The following PLCB1 variants were observed in gnomAD, a reference collection of about 807,000 sequenced individuals.
PLCB1 encodes 1-phosphatidylinositol 4,5-bisphosphate phosphodiesterase beta-1.
Under a neutral mutation model 161.8 loss-of-function variants are expected in PLCB1, and 46 were observed. That is an observed-to-expected ratio of 0.28 (90% CI 0.22 to 0.36). The LOEUF (loss-of-function observed/expected upper bound fraction) is 0.36, where lower values mean the gene tolerates loss of function less well. Among genes scored for constraint, PLCB1 ranks in the 10% least tolerant of loss-of-function variants. PLCB1 has a pLI of 1.00. For missense variants in PLCB1, 1,016 were observed against 1,472.5 expected (o/e 0.69, Z 5.07); for synonymous variants, 517 against 503.7 (o/e 1.03, Z -0.35).
At chr20:8,587,469 A>T (rs1238516650) in intron 3 of PLCB1, among the ~76,000 whole-genome samples, 2 of 152,222 alleles carry the variant, frequency 1.3e-5, no homozygotes, top group Non-Finnish European at 2.9e-5. Context: ...CTTATACAAA[A>T]GGGGACTTCA....
At chr20:8,666,129 G>A (rs1036571039) in intron 9 of PLCB1, among the ~76,000 whole-genome samples, 1 of 152,138 alleles carries the variant, frequency 6.6e-6, no homozygotes, top group Non-Finnish European at 1.5e-5. Context: ...AAGTTCTGAT[G>A]TGTGTTCTCT....
intron 31 of PLCB1, among the ~76,000 whole-genome samples, chr20:8,813,862 A>G (rs539431497): frequency 6.6e-6 from 1 of 152,278 alleles, no homozygotes; most frequent in South Asian, 2.1e-4. Context: ...ATAAAATCAA[A>G]TATTCCTAAT....
Position 8,342,966 on chromosome 20 carries a change from C to A in PLCB1, c.178-28416C>A, listed in dbSNP as rs1398188476. Reference sequence around the variant, plus strand: ...AATAAATCCCATCCACATGGATATCCAAGGAATAGTTTTATACAATTGGAT... The same window carrying A: ...AATAAATCCCATCCACATGGATATCAAAGGAATAGTTTTATACAATTGGAT... On this transcript the variant is annotated intron_variant, in intron 2 of 31. Transcript: ENST00000338037. Among the ~76,000 whole-genome samples the A allele has an allele frequency of 3.9e-5, 6 of 152,146 alleles. 1 individual carries two copies. The highest frequency in any genetic ancestry group is 3.9e-4 in the Admixed American group (6 of 15,268).
At chr20:8,228,260 T>C (rs1979810380) in intron 2 of PLCB1, among the ~76,000 whole-genome samples, 1 of 152,038 alleles carries the variant, frequency 6.6e-6, no homozygotes, top group South Asian at 2.1e-4. Context: ...GGATGTTTGG[T>C]TAAATGGCCA....
intron 2 of PLCB1, among the ~76,000 whole-genome samples, chr20:8,325,400 A>T (rs1489126016): frequency 6.6e-6 from 1 of 152,200 alleles, no homozygotes; most frequent in Non-Finnish European, 1.5e-5. Context: ...AAAATATTTT[A>T]ATAAGCAACA....
At chr20:8,455,586 A>G (rs183287465) in intron 3 of PLCB1, among the ~76,000 whole-genome samples, 2,963 of 151,156 alleles carry the variant, frequency 0.02, 90 homozygotes, top group African/African-American at 0.068. Context: ...GACTACCGGC[A>G]CCCGCCACCA....
intron 18 of PLCB1, among the ~76,000 whole-genome samples, chr20:8,730,093 C>A (rs1980155298): frequency 6.6e-6 from 1 of 151,672 alleles, no homozygotes; most frequent in South Asian, 2.1e-4. Context: ...TGATTTATAA[C>A]AGCACTTTTT....
intron 3 of PLCB1, among the ~76,000 whole-genome samples, chr20:8,464,864 CTCAGCCCTCA>C (rs1365944850): frequency 6.6e-6 from 1 of 152,146 alleles, no homozygotes; most frequent in Non-Finnish European, 1.5e-5. Context: ...ACCCACTCCC[CTCAGCCCTCA>C]GCTGGGGTTG....
intron 3 of PLCB1, among the ~76,000 whole-genome samples, chr20:8,458,681 T>A (rs927696306): frequency 6.6e-6 from 1 of 152,214 alleles, no homozygotes; most frequent in African/African-American, 2.4e-5. Flanking sequence ...CTGCTTACCT[T>A]ATTTACATTA....
At chr20:8,342,592 G>A (rs958540975) in intron 2 of PLCB1, among the ~76,000 whole-genome samples, 14 of 152,156 alleles carry the variant, frequency 9.2e-5, no homozygotes, top group Admixed American at 5.9e-4. Flanking sequence ...CAACTTGGTA[G>A]TGCTCCTGTG....
At position 8,821,546 on chromosome 20, in the gene PLCB1, TA is replaced by T. The variant is rs1410405390; in HGVS notation, c.3423+31286del. ...ATATATATATATATATATATATATA[TA>T]TATATATATATTTAAATGACACTTT... On this transcript the variant is annotated intron_variant, in intron 31 of 31. Coordinates refer to ENST00000338037, the MANE Select transcript of PLCB1 (RefSeq NM_015192.4). Among the ~76,000 whole-genome samples the T allele has an allele frequency of 1.2e-3, 121 of 102,956 alleles. 1 individual carries two copies. Among genetic ancestry groups the T allele is most frequent in the Non-Finnish European group, 1.9e-3 (103 of 52,850 alleles). The allele number at this position is 102,956 out of a possible 152,430, so 67.5% of individuals were successfully genotyped here.
intron 2 of PLCB1, among the ~76,000 whole-genome samples, chr20:8,345,911 T>C (rs1327204963): frequency 6.6e-6 from 1 of 152,196 alleles, no homozygotes; most frequent in Non-Finnish European, 1.5e-5. Context: ...CACATCTTCC[T>C]CAAGCATCTA....
intron 3 of PLCB1, among the ~76,000 whole-genome samples, chr20:8,578,028 G>A (rs895004097): frequency 6.6e-6 from 1 of 152,138 alleles, no homozygotes; most frequent in African/African-American, 2.4e-5. Context: ...TTTCATCTCT[G>A]TTCTAATAAA....
In PLCB1 at chr20:8,883,609, AT is replaced by A. The variant is rs1346772536; in HGVS notation, c.*1763del. 2.0e-5 allele frequency: 3 copies of A among 152,430 alleles called. No individual in the cohort carries two copies. Among genetic ancestry groups the A allele is most frequent in the Admixed American group, 1.3e-4 (2 of 15,276 alleles). 9.4% of individuals were successfully genotyped at this position (152,430 alleles called of 1,614,324 possible). A position where few individuals can be genotyped will look rare whatever the true frequency, so the allele number is the denominator to read the frequency against. ...TTAATATTTTTATGAAAATTATTTT[AT>A]TTAACTTTAAGCAATAACTAGAGAT... On this transcript the variant is annotated 3_prime_UTR_variant, in exon 32 of 32. Transcript: ENST00000338037.
Position 8,435,875 on chromosome 20 carries a change from G to A in PLCB1, c.246+64425G>A, listed in dbSNP as rs1319035476. ...CACCATTTGAAATATCACTATTGTG[G>A]TTTTGACTGACCCCAGATGAAAAGA... On this transcript the variant is annotated intron_variant, in intron 3 of 31. Transcript: ENST00000338037. Among the ~76,000 whole-genome samples, 3 of 152,272 alleles carry A rather than the reference G, an allele frequency of 2.0e-5. No individual in the cohort carries two copies. In the South Asian group the frequency reaches 6.2e-4, roughly 32 times the overall value.
chr20:8,240,687 T>C (rs1215428306), intron 2 of PLCB1, among the ~76,000 whole-genome samples: 1 of 152,036 alleles, frequency 6.6e-6, no homozygotes, highest in African/African-American at 2.4e-5. Flanking sequence ...AGCCTTTTAA[T>C]TTTAGAAATT....
intron 1 of PLCB1, among the ~76,000 whole-genome samples, chr20:8,142,665 G>C (rs1172029162): frequency 6.6e-6 from 1 of 152,174 alleles, no homozygotes; most frequent in Non-Finnish European, 1.5e-5. Flanking sequence ...CGTTGGGAGT[G>C]ACAGAACAAA....
intron 2 of PLCB1, among the ~76,000 whole-genome samples, chr20:8,207,434 G>A (rs1367058492): frequency 1.3e-5 from 2 of 152,222 alleles, no homozygotes; most frequent in Non-Finnish European, 1.5e-5. Context: ...ATGAAGATAA[G>A]CTTCACCTAA....
At chr20:8,857,414 T>C (rs1418394447) in intron 31 of PLCB1, among the ~76,000 whole-genome samples, 1 of 152,372 alleles carries the variant, frequency 6.6e-6, no homozygotes, top group Non-Finnish European at 1.5e-5. Flanking sequence ...TTATTTTGAC[T>C]TATTCTATTC....
Sources: allele counts gnomAD v4.1 joint callset (sites outside exome capture counted in the v4.1 genomes callset), GRCh38; gene constraint gnomAD v4.1.1; transcripts MANE v1.5; gene names NCBI Gene and HGNC (gene_info 2026-07-23, HGNC 2026-07-21).